The following SEL1L2 variants were observed in gnomAD, a reference collection of about 807,000 sequenced individuals.
SEL1L2 encodes the protein protein sel-1 homolog 2.
A neutral mutation model predicts 98.8 loss-of-function variants in SEL1L2; 89 were observed. That is an observed-to-expected ratio of 0.90 (90% CI 0.76 to 1.07). The LOEUF (loss-of-function observed/expected upper bound fraction) is 1.07. Among genes scored for constraint, SEL1L2 ranks in the 50% least tolerant of loss-of-function variants. The pLI is 0.00. For synonymous variants in SEL1L2, 262 were observed against 278.5 expected, an observed-to-expected ratio of 0.94 and a Z score of 0.59; for missense variants, 788 against 812.0, an observed-to-expected ratio of 0.97 and a Z score of 0.36.
chr20:13,921,550 G>A (rs753402323), intron 3 of SEL1L2, among the ~76,000 whole-genome samples: 4 of 152,038 alleles, frequency 2.6e-5, no homozygotes, highest in Non-Finnish European at 4.4e-5. Flanking sequence ...AGGGCCGGGC[G>A]CAGAAACAGT....
At chr20:13,973,064 A>C (rs1286443984) in intron 1 of SEL1L2, among the ~76,000 whole-genome samples, 8 of 152,042 alleles carry the variant, frequency 5.3e-5, no homozygotes, top group Non-Finnish European at 1.0e-4. Flanking sequence ...TTTCATATGT[A>C]TCACCTCCCT....
intron 3 of SEL1L2, among the ~76,000 whole-genome samples, chr20:13,922,503 G>A (rs1330907928): frequency 6.6e-6 from 1 of 152,130 alleles, no homozygotes; most frequent in Admixed American, 6.6e-5. Context: ...GAACTCTTCT[G>A]ATGCATTATT....
At chr20:13,900,205 C>T (rs1300459252) in intron 5 of SEL1L2, among the ~76,000 whole-genome samples, 5 of 152,146 alleles carry the variant, frequency 3.3e-5, no homozygotes, top group Non-Finnish European at 5.9e-5. Context: ...TAATACCCTA[C>T]AGGAGGAACT....
Position 13,887,659 on chromosome 20 carries a change from C to T in SEL1L2, c.745+110G>A, listed in dbSNP as rs141364258. 189 of 698,406 alleles carry T rather than the reference C, an allele frequency of 2.7e-4. 1 individual carries two copies. Among genetic ancestry groups the T allele is most frequent in the African/African-American group, 1.6e-3 (91 of 55,330 alleles). The allele number at this position is 698,406 out of a possible 1,614,324, so 43.3% of individuals were successfully genotyped here. A position where few individuals can be genotyped will look rare whatever the true frequency, so the allele number is the denominator to read the frequency against. On this transcript the variant is annotated intron_variant, in intron 8 of 19. Coordinates refer to ENST00000284951, the MANE Select transcript of SEL1L2 (RefSeq NM_025229.2). ...GAATTGTATTATAACATATTAAAAA[C>T]GTACACTTTTGATATTTTCATAAGT...
At chr20:13,909,363 G>A (rs374958716) in intron 5 of SEL1L2, among the ~76,000 whole-genome samples, 10 of 152,284 alleles carry the variant, frequency 6.6e-5, no homozygotes, top group East Asian at 3.9e-4. Flanking sequence ...TCTCTTTAAC[G>A]AGCTGTTCTT....
rs1162407123 is a variant in SEL1L2, at chr20:13,963,545, G to A, written c.59-7414C>T. ...CAGCCTGGCCAACATGGTGAAACCC[G>A]TCTCTACTAAAAATACAAAAATTAG... On this transcript the variant is annotated intron_variant, in intron 1 of 19. Coordinates refer to ENST00000284951, the MANE Select transcript of SEL1L2 (RefSeq NM_025229.2). 2.6e-5 allele frequency among the ~76,000 whole-genome samples: 4 copies of A among 151,636 alleles called. No homozygotes were observed. In the East Asian group the frequency reaches 5.8e-4, roughly 22 times the overall value.
intron 14 of SEL1L2, among the ~76,000 whole-genome samples, chr20:13,867,505 T>C (rs1018082765): frequency 2.6e-5 from 4 of 152,208 alleles, no homozygotes; most frequent in African/African-American, 2.4e-5. Flanking sequence ...CTGGAGCCTT[T>C]AGAAGCAGTG....
intron 2 of SEL1L2, among the ~76,000 whole-genome samples, chr20:13,954,246 G>A (rs1199594688): frequency 1.3e-5 from 2 of 152,266 alleles, no homozygotes; most frequent in East Asian, 1.9e-4. Context: ...AATTTGCCAA[G>A]CCTACATTGG....
intron 1 of SEL1L2, among the ~76,000 whole-genome samples, chr20:13,982,105 G>A (rs1190267568): frequency 6.6e-6 from 1 of 152,140 alleles, no homozygotes; most frequent in African/African-American, 2.4e-5. Context: ...CTTTTCAACT[G>A]GGATAGAGAG....
At position 13,957,189 on chromosome 20, in the gene SEL1L2, C is replaced by T. The variant is rs192673130; in HGVS notation, c.59-1058G>A. Among the ~76,000 whole-genome samples the T allele has an allele frequency of 4.5e-4, 69 of 152,088 alleles. 1 individual carries two copies. The East Asian group carries it at 0.012, about 27-fold the overall frequency. On this transcript the variant is annotated intron_variant, in intron 1 of 19. Transcript: ENST00000284951. ...CGATATTGGCTCCCTATAACCTCTG[C>T]CTCCGTGTTCAAGCAGTTCTCATGC...
intron 3 of SEL1L2, 22 bp downstream of exon 3, chr20:13,931,581 T>C: frequency 7.9e-7 from 1 of 1,264,766 alleles, no homozygotes; most frequent in Non-Finnish European, 1.1e-6. Context: ...TAAATTTACA[T>C]GTGAAAAGAT....
chr20:13,893,076 C>A (rs926651008), intron 5 of SEL1L2, among the ~76,000 whole-genome samples: 1 of 152,196 alleles, frequency 6.6e-6, no homozygotes, highest in Non-Finnish European at 1.5e-5. Flanking sequence ...TGGTGCCTCC[C>A]AACTGAACAC....
chr20:13,930,880 A>G (rs1346067896), intron 3 of SEL1L2, among the ~76,000 whole-genome samples: 1 of 152,038 alleles, frequency 6.6e-6, no homozygotes, highest in African/African-American at 2.4e-5. Flanking sequence ...TTTTGTGATT[A>G]TCAACCTTCC....
At chr20:13,852,970 G>C (rs1199034843) in intron 18 of SEL1L2, among the ~76,000 whole-genome samples, 1 of 151,752 alleles carries the variant, frequency 6.6e-6, no homozygotes, top group Non-Finnish European at 1.5e-5. Flanking sequence ...AGGGAACTTA[G>C]GAAATATAGA....
chr20:13,947,347 G>A lies in SEL1L2; in HGVS notation c.114+8729C>T, dbSNP rs995548513. Among the ~76,000 whole-genome samples, 26 of 152,104 alleles carry A rather than the reference G, an allele frequency of 1.7e-4. No individual in the cohort carries two copies. In the Middle Eastern group the frequency reaches 0.014, roughly 80 times the overall value. ...CCTCTCCACTGAGGGCTACAGAGATGATGGGATGACCTGCCTGCAGATGGG... is the reference window on the plus strand; with the variant it reads ...CCTCTCCACTGAGGGCTACAGAGATAATGGGATGACCTGCCTGCAGATGGG... On this transcript the variant is annotated intron_variant, in intron 2 of 19. Transcript: ENST00000284951.
At chr20:13,959,022 G>T (rs2050667268) in intron 1 of SEL1L2, among the ~76,000 whole-genome samples, 2 of 152,028 alleles carry the variant, frequency 1.3e-5, no homozygotes, top group African/African-American at 4.8e-5. Flanking sequence ...GTTGAGAGCA[G>T]TCATTAAAGC....
At chr20:13,897,425 A>G (rs961600802) in intron 5 of SEL1L2, among the ~76,000 whole-genome samples, 22 of 152,202 alleles carry the variant, frequency 1.4e-4, no homozygotes, top group African/African-American at 5.3e-4. Context: ...CCAAACTTTA[A>G]AAAGTAGGAA....
intron 11 of SEL1L2, among the ~76,000 whole-genome samples, chr20:13,876,870 C>A (rs1030004321): frequency 6.6e-6 from 1 of 152,214 alleles, no homozygotes; most frequent in African/African-American, 2.4e-5. Flanking sequence ...GTTGCCCAGG[C>A]TGGAGAGCAG....
Position 13,849,609 on chromosome 20 carries a change from T to C in SEL1L2, c.1948-5A>G. On this transcript the variant is annotated splice_polypyrimidine_tract_variant and splice_region_variant and intron_variant, in intron 19 of 19. Transcript: ENST00000284951. ...CCAGTTCCATCTCGTTGTGAACTGC[T>C]GGCAAGAGACATTCTCTCAAAAACA... is the stretch of plus-strand genomic sequence containing the variant. 6.2e-7 allele frequency: 1 copy of C among 1,613,496 alleles called. No individual in the cohort carries two copies. Among genetic ancestry groups the C allele is most frequent in the East Asian group, 2.2e-5 (1 of 44,862 alleles).
Sources: allele counts gnomAD v4.1 joint callset (sites outside exome capture counted in the v4.1 genomes callset), GRCh38; gene constraint gnomAD v4.1.1; transcripts MANE v1.5; gene names NCBI Gene and HGNC (gene_info 2026-07-23, HGNC 2026-07-21).